Variants in HRH1 observed in about 807,000 individuals in gnomAD.
HRH1 encodes the protein histamine H1 receptor.
Under a neutral mutation model 10.3 loss-of-function variants are expected in HRH1, and 6 were observed. The ratio of observed to expected loss-of-function variants is 0.58; its 90% CI spans 0.32 to 1.15. The LOEUF is 1.15. Among genes scored for constraint, HRH1 ranks in the 50% most tolerant of loss-of-function variants. The pLI, the probability that HRH1 is intolerant of heterozygous loss-of-function variation, is 0.05. For synonymous variants in HRH1, 242 were observed against 236.7 expected (o/e 1.02, Z -0.21); for missense variants, 514 against 615.3 (o/e 0.84, Z 1.74).
At chr3:11,213,725 C>T (rs746749038) in intron 1 of HRH1, among the ~76,000 whole-genome samples, 12 of 152,218 alleles carry the variant, frequency 7.9e-5, no homozygotes, top group Non-Finnish European at 1.6e-4. Flanking sequence ...GCCTAATCAC[C>T]TCCCAAAGCT....
chr3:11,180,659 A>G (rs528608732), intron 1 of HRH1, among the ~76,000 whole-genome samples: 1 of 152,076 alleles, frequency 6.6e-6, no homozygotes. Flanking sequence ...TTCTGCCTCA[A>G]TGGATTTGCC....
chr3:11,161,420 G>C (rs76047482), intron 1 of HRH1, among the ~76,000 whole-genome samples: 1 of 152,110 alleles, frequency 6.6e-6, no homozygotes, highest in Admixed American at 6.5e-5. Flanking sequence ...ACATCCTGCT[G>C]CCCCTTGCCC....
At chr3:11,212,973 G>GT (rs1304206227) in intron 1 of HRH1, among the ~76,000 whole-genome samples, 3 of 152,138 alleles carry the variant, frequency 2.0e-5, no homozygotes, top group Non-Finnish European at 4.4e-5. Context: ...CTCCTGTGAT[G>GT]TTTTTTCCTG....
rs537707070 is a variant in HRH1, at chr3:11,168,879, T to C, written c.-36+14325T>C. Reference sequence around the variant, plus strand: ...TTGGAGATGAAGGGAAAGACCCCTTTGCTGAGCTCCAACCAGGAGCCTGGG... The same window carrying C: ...TTGGAGATGAAGGGAAAGACCCCTTCGCTGAGCTCCAACCAGGAGCCTGGG... On this transcript the variant is annotated intron_variant, in intron 1 of 1. Transcript: ENST00000431010. Among the ~76,000 whole-genome samples, 4 of 152,336 alleles carry C rather than the reference T, an allele frequency of 2.6e-5. No individual in the cohort carries two copies. In the South Asian group the frequency reaches 8.3e-4, roughly 32 times the overall value.
intron 1 of HRH1, among the ~76,000 whole-genome samples, chr3:11,176,903 G>C (rs1352248615): frequency 6.6e-6 from 1 of 152,086 alleles, no homozygotes; most frequent in East Asian, 1.9e-4. Context: ...GACCGGCCTG[G>C]CCAACATGAT....
intron 1 of HRH1, among the ~76,000 whole-genome samples, chr3:11,235,775 G>A (rs1939165971): frequency 6.6e-6 from 1 of 152,238 alleles, no homozygotes; most frequent in Non-Finnish European, 1.5e-5. Context: ...CAGGAGCGGG[G>A]CACAGTGTTT....
chr3:11,180,502 G>A (rs896006135), intron 1 of HRH1, among the ~76,000 whole-genome samples: 1 of 152,160 alleles, frequency 6.6e-6, no homozygotes, highest in African/African-American at 2.4e-5. Flanking sequence ...AGCTCAGGTG[G>A]TAATGCTTGC....
intron 1 of HRH1, among the ~76,000 whole-genome samples, chr3:11,162,800 T>C (rs2125009104): frequency 6.6e-6 from 1 of 152,298 alleles, no homozygotes; most frequent in South Asian, 2.1e-4. Flanking sequence ...GAGCTGTTAC[T>C]AGGAGGCAGG....
chr3:11,156,957 T>C (rs1160059017), intron 1 of HRH1, among the ~76,000 whole-genome samples: 1 of 152,210 alleles, frequency 6.6e-6, no homozygotes, highest in African/African-American at 2.4e-5. Flanking sequence ...AGACTTGAAG[T>C]CTCAGTGTGG....
chr3:11,241,792 C>T (rs998318743), intron 1 of HRH1, among the ~76,000 whole-genome samples: 7 of 150,722 alleles, frequency 4.6e-5, no homozygotes, highest in Admixed American at 1.3e-4. Flanking sequence ...GCCGAGATGG[C>T]GCCACTGCAT....
intron 1 of HRH1, among the ~76,000 whole-genome samples, chr3:11,200,231 T>C (rs1435539684): frequency 6.6e-6 from 1 of 152,154 alleles, no homozygotes; most frequent in Non-Finnish European, 1.5e-5. Flanking sequence ...CCTGATGATG[T>C]CTTTAAGGTG....
chr3:11,144,479 A>AGACATACGTCTATAGGTATATATATC (rs1936382814), intron 1 of HRH1, among the ~76,000 whole-genome samples: 1 of 143,206 alleles, frequency 7.0e-6, no homozygotes, highest in African/African-American at 2.5e-5. Flanking sequence ...ATAGACATAT[A>AGACATACGTCTATAGGTATATATATC]TATACACACA....
chr3:11,250,095 T>G (rs1369559683), intron 1 of HRH1, among the ~76,000 whole-genome samples: 1 of 129,992 alleles, frequency 7.7e-6, no homozygotes, highest in Non-Finnish European at 1.5e-5. Flanking sequence ...CAGGCTGGAG[T>G]GCAGTGGCGC....
In HRH1 at chr3:11,168,027, G is replaced by GT. The variant is rs1379168224; in HGVS notation, c.-36+13473_-36+13474insT. On this transcript the variant is annotated intron_variant, in intron 1 of 1. Coordinates refer to ENST00000431010, the MANE Select transcript of HRH1 (RefSeq NM_001098212.2). ...AAGGTGTAAGGTGAAATGCAGTGGTGAAGATGAGTGAAGAGCATGTGGAAG... is the reference window on the plus strand; with the variant it reads ...AAGGTGTAAGGTGAAATGCAGTGGTGTAAGATGAGTGAAGAGCATGTGGAAG... Among the ~76,000 whole-genome samples the GT allele has an allele frequency of 3.3e-5, 5 of 152,286 alleles. No individual in the cohort carries two copies. In the East Asian group the frequency reaches 7.7e-4, roughly 24 times the overall value.
rs143747766 is a variant in HRH1 at position 11,200,347 on chromosome 3, A to G, written c.-36+45793A>G. ...AGTGAGTTGGGGTTTTCTGTTACTC[A>G]CAGCCTAGATCATCCTAATGACTAC... On this transcript the variant is annotated intron_variant, in intron 1 of 1. Transcript: ENST00000431010. Among the ~76,000 whole-genome samples the G allele has an allele frequency of 2.4e-3, 369 of 152,268 alleles. 1 individual carries two copies. The highest frequency in any genetic ancestry group is 8.0e-3 in the African/African-American group (334 of 41,550).
intron 1 of HRH1, among the ~76,000 whole-genome samples, chr3:11,256,246 C>T (rs1939778004): frequency 6.6e-6 from 1 of 152,148 alleles, no homozygotes; most frequent in South Asian, 2.1e-4. Flanking sequence ...TGATTGGCAC[C>T]TCAGAGCTGG....
At chr3:11,257,829 T>C (rs568835175) in intron 1 of HRH1, among the ~76,000 whole-genome samples, 1 of 152,144 alleles carries the variant, frequency 6.6e-6, no homozygotes, top group Non-Finnish European at 1.5e-5. Context: ...AAAAATTTCA[T>C]TGTAAAGACA....
chr3:11,168,589 A>G (rs796668465), intron 1 of HRH1, among the ~76,000 whole-genome samples: 7 of 152,324 alleles, frequency 4.6e-5, no homozygotes, highest in African/African-American at 9.6e-5. Context: ...CCGCCGCACA[A>G]TGCCACAGTT....
chr3:11,223,641 C>A (rs1175565859), intron 1 of HRH1, among the ~76,000 whole-genome samples: 1 of 152,206 alleles, frequency 6.6e-6, no homozygotes, highest in Non-Finnish European at 1.5e-5. Flanking sequence ...GTAGACAGGG[C>A]TCTGGGTTCC....
Sources: allele counts gnomAD v4.1 joint callset (sites outside exome capture counted in the v4.1 genomes callset), GRCh38; gene constraint gnomAD v4.1.1; transcripts MANE v1.5; gene names NCBI Gene and HGNC (gene_info 2026-07-23, HGNC 2026-07-21).